Variants in HS3ST5 observed in about 807,000 individuals in gnomAD.
HS3ST5 encodes the protein heparan sulfate glucosamine 3-O-sulfotransferase 5.
Under a neutral mutation model 25.4 loss-of-function variants are expected in HS3ST5, and 10 were observed. That is an observed-to-expected ratio of 0.39 (90% confidence interval 0.24 to 0.67). The LOEUF (loss-of-function observed/expected upper bound fraction) is 0.67, where lower values mean the gene tolerates loss of function less well. Among genes scored for constraint, HS3ST5 ranks in the 30% least tolerant of loss-of-function variants. The pLI is 0.44. For synonymous variants in HS3ST5, 170 were observed against 162.4 expected (o/e 1.05, Z -0.36); for missense variants, 324 against 420.7 (o/e 0.77, Z 2.01).
chr6:114,262,286 G>A (rs537686243), intron 1 of HS3ST5, among the ~76,000 whole-genome samples: 9 of 152,120 alleles, frequency 5.9e-5, no homozygotes, highest in South Asian at 2.1e-4. Flanking sequence ...GGTGGCTCAC[G>A]CCTGCAATCC....
chr6:114,298,646 C>T (rs1774932471), intron 1 of HS3ST5, among the ~76,000 whole-genome samples: 1 of 152,158 alleles, frequency 6.6e-6, no homozygotes, highest in African/African-American at 2.4e-5. Flanking sequence ...AGGCAGGGAC[C>T]CCGAATGGGG....
At chr6:114,172,355 T>C (rs1275795512) in intron 2 of HS3ST5, among the ~76,000 whole-genome samples, 1 of 152,216 alleles carries the variant, frequency 6.6e-6, no homozygotes. Context: ...CATACAAATA[T>C]TCCTCCTATT....
chr6:114,168,381 C>T lies in HS3ST5; in HGVS notation c.-63G>A, dbSNP rs926107770. On this transcript the variant is annotated 5_prime_UTR_variant, in exon 3 of 5. Transcript: ENST00000312719. ...TTCAGACAGGTCCCTATTATTCCAG[C>T]GATGATTATCTTGTTGGCGGGTATT... The T allele has an allele frequency of 7.2e-5, 11 of 152,168 alleles. No individual in the cohort carries two copies. Among genetic ancestry groups the T allele is most frequent in the African/African-American group, 2.4e-4 (10 of 41,416 alleles). 9.4% of individuals were successfully genotyped at this position (152,168 alleles called of 1,614,324 possible).
chr6:114,176,242 T>C (rs1429101656), intron 2 of HS3ST5, among the ~76,000 whole-genome samples: 1 of 150,864 alleles, frequency 6.6e-6, no homozygotes, highest in Admixed American at 6.7e-5. Flanking sequence ...GGAATTTGAG[T>C]TCTCCACACT....
chr6:114,103,834 G>A lies in HS3ST5; in HGVS notation c.-32-40957C>T, dbSNP rs546805498. On this transcript the variant is annotated intron_variant, in intron 3 of 4. Transcript: ENST00000312719. The stretch of plus-strand genomic sequence containing the variant: ...GCCTCCCGAGTAGCTGGGACTACAA[G>A]CACCTGCCACCACACCTGGCTAATT... 9.0e-4 allele frequency among the ~76,000 whole-genome samples: 130 copies of A among 143,982 alleles called. 1 individual carries two copies. The highest frequency in any genetic ancestry group is 1.9e-3 in the Non-Finnish European group (124 of 66,414). 94.5% of individuals were successfully genotyped at this position (143,982 alleles called of 152,430 possible). A position where few individuals can be genotyped will look rare whatever the true frequency, so the allele number is the denominator to read the frequency against.
intron 1 of HS3ST5, among the ~76,000 whole-genome samples, chr6:114,337,764 C>T (rs952707321): frequency 1.4e-4 from 22 of 152,048 alleles, no homozygotes; most frequent in African/African-American, 5.1e-4. Flanking sequence ...CCCACTGGGC[C>T]CTCTATTTAA....
chr6:114,243,682 T>C (rs564589349), intron 1 of HS3ST5, among the ~76,000 whole-genome samples: 1 of 152,328 alleles, frequency 6.6e-6, no homozygotes, highest in East Asian at 1.9e-4. Flanking sequence ...CTTTACCTCT[T>C]CCAGTATCCA....
Position 114,093,349 on chromosome 6 carries a change from TTGTTTGTG to T in HS3ST5, c.-32-30480_-32-30473del, listed in dbSNP as rs1374310148. Among the ~76,000 whole-genome samples the T allele has an allele frequency of 9.2e-5, 9 of 98,118 alleles. 1 individual carries two copies. Among genetic ancestry groups the T allele is most frequent in the African/African-American group, 3.5e-4 (9 of 25,546 alleles). The allele number at this position is 98,118 out of a possible 152,430, so 64.4% of individuals were successfully genotyped here. On this transcript the variant is annotated intron_variant, in intron 3 of 4. Transcript: ENST00000312719. The stretch of plus-strand genomic sequence containing the variant: ...ATGACCTTGTATCTTTTTTGTTTGT[TTGTTTGTG>T]TGTGTGTGTGTGTGTGTGTGTGTGT...
At chr6:114,210,630 A>C (rs1165422717) in intron 2 of HS3ST5, among the ~76,000 whole-genome samples, 1 of 152,206 alleles carries the variant, frequency 6.6e-6, no homozygotes, top group Non-Finnish European at 1.5e-5. Flanking sequence ...CTTCTGTGTC[A>C]TTCACATCTA....
At chr6:114,081,825 C>T (rs531592013) in intron 3 of HS3ST5, among the ~76,000 whole-genome samples, 4 of 152,278 alleles carry the variant, frequency 2.6e-5, no homozygotes, top group Middle Eastern at 3.4e-3. Flanking sequence ...TCAATACCAT[C>T]GCTCACTATT....
At chr6:114,168,943 G>A (rs1430185604) in intron 2 of HS3ST5, among the ~76,000 whole-genome samples, 1 of 152,054 alleles carries the variant, frequency 6.6e-6, no homozygotes, top group Non-Finnish European at 1.5e-5. Flanking sequence ...TGCAGTTGCT[G>A]CTTCTTCCTA....
chr6:114,328,209 T>C (rs1776247707), intron 1 of HS3ST5, among the ~76,000 whole-genome samples: 1 of 130,534 alleles, frequency 7.7e-6, no homozygotes, highest in Admixed American at 8.0e-5. Context: ...AAAGAAGAAG[T>C]GAAAAAAGGA....
At chr6:114,065,761 A>T (rs1773411913) in intron 3 of HS3ST5, among the ~76,000 whole-genome samples, 1 of 152,242 alleles carries the variant, frequency 6.6e-6, no homozygotes, top group African/African-American at 2.4e-5. Flanking sequence ...GATGGGAAAA[A>T]TAAAGGAAAA....
chr6:114,205,822 G>A (rs564823354), intron 2 of HS3ST5, among the ~76,000 whole-genome samples: 55 of 152,128 alleles, frequency 3.6e-4, no homozygotes, highest in Non-Finnish European at 5.7e-4. Flanking sequence ...CACACGTGCA[G>A]TTCACAATAG....
At chr6:114,077,082 TTTCTGTCCTCC>T (rs1774182184) in intron 3 of HS3ST5, among the ~76,000 whole-genome samples, 1 of 152,224 alleles carries the variant, frequency 6.6e-6, no homozygotes. Flanking sequence ...GGGTTCTTCA[TTTCTGTCCTCC>T]ATTCAGCTTT....
intron 1 of HS3ST5, among the ~76,000 whole-genome samples, chr6:114,297,201 T>C (rs1774860775): frequency 6.6e-6 from 1 of 151,892 alleles, no homozygotes; most frequent in South Asian, 2.1e-4. Flanking sequence ...TTACTATATA[T>C]GAGTGTTTTT....
At chr6:114,095,958 T>C (rs1775402586) in intron 3 of HS3ST5, among the ~76,000 whole-genome samples, 1 of 152,178 alleles carries the variant, frequency 6.6e-6, no homozygotes, top group Non-Finnish European at 1.5e-5. Context: ...TCCTGGGGCA[T>C]ATTCATGCTA....
intron 3 of HS3ST5, among the ~76,000 whole-genome samples, chr6:114,148,577 C>T (rs141696862): frequency 1.7e-3 from 255 of 152,144 alleles, no homozygotes; most frequent in African/African-American, 5.8e-3. Context: ...GCCAAGATCG[C>T]GCCACTGTAC....
At chr6:114,122,029 G>A (rs562519230) in intron 3 of HS3ST5, among the ~76,000 whole-genome samples, 3 of 152,240 alleles carry the variant, frequency 2.0e-5, no homozygotes, top group South Asian at 2.1e-4. Flanking sequence ...GCTCCTTGTC[G>A]AGACTGGGGC....
Sources: allele counts gnomAD v4.1 joint callset (sites outside exome capture counted in the v4.1 genomes callset), GRCh38; gene constraint gnomAD v4.1.1; transcripts MANE v1.5; gene names NCBI Gene and HGNC (gene_info 2026-07-23, HGNC 2026-07-21).